RBFOX1: variants seen among roughly 807,000 people sequenced by gnomAD.
RBFOX1 encodes the protein RNA binding fox-1 homolog 1, also known as RNA binding protein fox-1 homolog 1.
In RBFOX1, 8 loss-of-function variants were observed where a neutral mutation model predicts 57.7. The observed-to-expected ratio is 0.14, with a 90% CI of 0.08 to 0.25. RBFOX1 has a LOEUF of 0.25. Ranked by LOEUF, RBFOX1 falls within the 10% of genes least tolerant of loss-of-function variation. The pLI, the probability that RBFOX1 is intolerant of heterozygous loss-of-function variation, is 1.00. For synonymous variants in RBFOX1, 326 were observed against 222.4 expected, an observed-to-expected ratio of 1.47 and a Z score of -4.15; for missense variants, 611 against 548.5, an observed-to-expected ratio of 1.11 and a Z score of -1.14.
At chr16:7,695,210 G>A (rs537734655) in intron 14 of RBFOX1, among the ~76,000 whole-genome samples, 19 of 152,054 alleles carry the variant, frequency 1.2e-4, no homozygotes, top group East Asian at 1.9e-4. Flanking sequence ...ATAAGGTTCC[G>A]TTTGAACTCT....
intron 1 of RBFOX1, chr16:6,092,343 C>T (rs1272380029): frequency 2.0e-5 from 3 of 152,206 alleles, no homozygotes; most frequent in Non-Finnish European, 1.5e-5. Flanking sequence ...ACCATGGGAA[C>T]ACAGGGAGTA....
At chr16:5,846,541 G>A (rs2056762571) in intron 3 of RBFOX1, among the ~76,000 whole-genome samples, 2 of 152,198 alleles carry the variant, frequency 1.3e-5, no homozygotes, top group African/African-American at 4.8e-5. Flanking sequence ...ATGGAGGAAT[G>A]GAGGCTCAGG....
chr16:6,043,099 C>T (rs1176902872), intron 1 of RBFOX1, among the ~76,000 whole-genome samples: 1 of 111,202 alleles, frequency 9.0e-6, no homozygotes, highest in Non-Finnish European at 1.7e-5. Context: ...GCCTGGGCGA[C>T]AGAGCAAGAT....
chr16:7,269,277 C>G (rs1360428190), intron 4 of RBFOX1, among the ~76,000 whole-genome samples: 1 of 152,112 alleles, frequency 6.6e-6, no homozygotes, highest in African/African-American at 2.4e-5. Context: ...ACCTACACCC[C>G]TTTTAACCCA....
rs546436205 is a variant in RBFOX1, at chr16:7,432,424, T to C, written c.28-85723T>C. 2.6e-5 allele frequency among the ~76,000 whole-genome samples: 4 copies of C among 152,316 alleles called. No individual in the cohort carries two copies. In the South Asian group the frequency reaches 8.3e-4, roughly 32 times the overall value. ...CTTTTTGTGAATTCTCCTAATGCAATCGTTGTGCTTACTGAGGCTGCTTGG... is the reference window on the plus strand; with the variant it reads ...CTTTTTGTGAATTCTCCTAATGCAACCGTTGTGCTTACTGAGGCTGCTTGG... On this transcript the variant is annotated intron_variant, in intron 4 of 15. Coordinates refer to ENST00000550418, the MANE Select transcript of RBFOX1 (RefSeq NM_018723.4).
chr16:5,442,532 G>C (rs1187804601), intron 1 of RBFOX1, among the ~76,000 whole-genome samples: 1 of 152,232 alleles, frequency 6.6e-6, no homozygotes, highest in Non-Finnish European at 1.5e-5. Flanking sequence ...ATGTCGTAAA[G>C]TGGCATGGCA....
intron 3 of RBFOX1, among the ~76,000 whole-genome samples, chr16:6,710,442 C>A (rs1238975665): frequency 6.6e-6 from 1 of 152,062 alleles, no homozygotes; most frequent in African/African-American, 2.4e-5. Flanking sequence ...TTTTTTCATC[C>A]TAATTTTTTG....
intron 2 of RBFOX1, among the ~76,000 whole-genome samples, chr16:6,651,586 G>C (rs1050924237): frequency 6.6e-6 from 1 of 152,202 alleles, no homozygotes; most frequent in Non-Finnish European, 1.5e-5. Flanking sequence ...GGACAGATTG[G>C]AACACTTGTG....
At chr16:7,512,794 G>A (rs909258959) in intron 4 of RBFOX1, among the ~76,000 whole-genome samples, 2 of 152,208 alleles carry the variant, frequency 1.3e-5, no homozygotes, top group African/African-American at 4.8e-5. Flanking sequence ...TAGTGCAGAA[G>A]TTTCCCAGGC....
At chr16:7,211,033 G>C (rs1414681904) in intron 4 of RBFOX1, among the ~76,000 whole-genome samples, 3 of 150,748 alleles carry the variant, frequency 2.0e-5, no homozygotes, top group Non-Finnish European at 4.4e-5. Context: ...GTATGTGGAA[G>C]TCAAGATAAG....
chr16:6,011,708 T>C (rs949242973), intron 4 of RBFOX1, among the ~76,000 whole-genome samples: 1 of 152,154 alleles, frequency 6.6e-6, no homozygotes, highest in Admixed American at 6.5e-5. Context: ...CTTGCATGTG[T>C]CTCCCAATTT....
intron 4 of RBFOX1, among the ~76,000 whole-genome samples, chr16:5,986,361 G>C (rs1567223442): frequency 6.6e-6 from 1 of 152,216 alleles, no homozygotes; most frequent in Admixed American, 6.5e-5. Flanking sequence ...ATCGCGTCCA[G>C]ACTGTTGAAA....
intron 4 of RBFOX1, among the ~76,000 whole-genome samples, chr16:7,321,424 G>A (rs1163147451): frequency 3.3e-5 from 5 of 152,110 alleles, no homozygotes; most frequent in African/African-American, 4.8e-5. Flanking sequence ...GGGATTACAG[G>A]TGTGAGCCAC....
chr16:5,474,354 T>A (rs554432893), intron 2 of RBFOX1, among the ~76,000 whole-genome samples: 1 of 152,150 alleles, frequency 6.6e-6, no homozygotes, highest in East Asian at 1.9e-4. Flanking sequence ...AATGTGTGTT[T>A]AAAAAATACC....
At chr16:7,434,590 A>C (rs985097239) in intron 4 of RBFOX1, among the ~76,000 whole-genome samples, 7 of 152,290 alleles carry the variant, frequency 4.6e-5, no homozygotes, top group African/African-American at 1.4e-4. Context: ...ACTGGACTGC[A>C]TCCTTTAGAA....
chr16:6,370,075 T>A (rs1353930745), intron 2 of RBFOX1, among the ~76,000 whole-genome samples: 1 of 152,094 alleles, frequency 6.6e-6, no homozygotes, highest in East Asian at 1.9e-4. Flanking sequence ...ACACATACGC[T>A]GGGCCGGGTG....
At position 6,278,327 on chromosome 16, in the gene RBFOX1, C is replaced by T. The variant is rs566915417; in HGVS notation, c.-126-38668C>T. On this transcript the variant is annotated intron_variant, in intron 1 of 15. Transcript: ENST00000550418. ...GATTCCTTGCCCTGCAAGGTTCCTT[C>T]AAGTTATTTTTTTTTTTCGTCTCCA... 1.2e-3 allele frequency among the ~76,000 whole-genome samples: 137 copies of T among 114,100 alleles called. 1 individual carries two copies. The highest frequency in any genetic ancestry group is 9.1e-3 in the Middle Eastern group (1 of 110). The allele number at this position is 114,100 out of a possible 152,430, so 74.9% of individuals were successfully genotyped here.
In RBFOX1 at chr16:7,690,201, C is replaced by T. The variant is rs952436505; in HGVS notation, c.995+13363C>T. 2.6e-5 allele frequency among the ~76,000 whole-genome samples: 4 copies of T among 152,094 alleles called. No individual in the cohort carries two copies. The South Asian group carries it at 6.2e-4, about 24-fold the overall frequency. ...ACCCCAGATCAATTAAAGCAGAAAC[C>T]TCAGGAATGGGCCCTATCACTGGCA... is the stretch of plus-strand genomic sequence containing the variant. On this transcript the variant is annotated intron_variant, in intron 14 of 15. Transcript: ENST00000550418.
intron 1 of RBFOX1, among the ~76,000 whole-genome samples, chr16:5,396,129 A>T (rs768594660): frequency 3.3e-5 from 5 of 152,218 alleles, no homozygotes; most frequent in Non-Finnish European, 5.9e-5. Context: ...ATAATCTGTT[A>T]TGTAGCAAAT....
Sources: allele counts gnomAD v4.1 joint callset (sites outside exome capture counted in the v4.1 genomes callset), GRCh38; gene constraint gnomAD v4.1.1; transcripts MANE v1.5; gene names NCBI Gene and HGNC (gene_info 2026-07-23, HGNC 2026-07-21).